The following PIK3R4 variants were observed in gnomAD, a reference collection of about 807,000 sequenced individuals.
PIK3R4 encodes phosphoinositide 3-kinase regulatory subunit 4.
Under a neutral mutation model 136.5 loss-of-function variants are expected in PIK3R4, and 46 were observed. The observed-to-expected ratio is 0.34, with a 90% CI of 0.27 to 0.43. The LOEUF (loss-of-function observed/expected upper bound fraction) is 0.43, where lower values mean the gene tolerates loss of function less well. Ranked by LOEUF, PIK3R4 falls within the 20% of genes least tolerant of loss-of-function variation. The pLI is 1.00. For synonymous variants in PIK3R4, 557 were observed against 566.7 expected, an observed-to-expected ratio of 0.98 and a Z score of 0.24; for missense variants, 1,331 against 1,649.5, an observed-to-expected ratio of 0.81 and a Z score of 3.35.
intron 2 of PIK3R4, among the ~76,000 whole-genome samples, chr3:130,743,034 T>C (rs935438076): frequency 1.3e-5 from 2 of 152,168 alleles, no homozygotes; most frequent in Non-Finnish European, 2.9e-5. Context: ...TGTACAACCT[T>C]TCCCTGGCTA....
chr3:130,744,853 G>C lies in PIK3R4; in HGVS notation c.366C>G (p.Asn122Lys). The change falls in exon 2 of 20, where the codon AAC (asparagine) becomes AAG (lysine). Residue 122 changes from asparagine to lysine, a missense_variant. Physicochemically the swap from Asn to Lys is moderately conservative, Grantham distance 94 (BLOSUM62 0). Around this residue, in one of 2 missense-constraint regions of PIK3R4, gnomAD observed 151 missense variants for 242.5 expected, o/e 0.62. Transcript: ENST00000356763. ...GGAAAGCAATCCAGCGCTTCTCAATGTTATTCAAGAATGGACGGGTACTGA... is the reference window on the plus strand; with the variant it reads ...GGAAAGCAATCCAGCGCTTCTCAATCTTATTCAAGAATGGACGGGTACTGA... The part of the protein sequence containing the change: ...DRISTRPFLN[N>K]IEKRWIAFQI... 6.2e-7 allele frequency: 1 copy of C among 1,614,198 alleles called. No homozygotes were observed. The highest frequency in any genetic ancestry group is 8.5e-7 in the Non-Finnish European group (1 of 1,180,044).
At chr3:130,690,461 A>T in intron 14 of PIK3R4, 29 bp downstream of exon 14, 1 of 1,567,078 alleles carries the variant, frequency 6.4e-7, no homozygotes. Flanking sequence ...ACTAAATACA[A>T]TGTTTAAGAA....
At chr3:130,689,371 A>T (rs901023164) in intron 14 of PIK3R4, among the ~76,000 whole-genome samples, 2 of 152,194 alleles carry the variant, frequency 1.3e-5, no homozygotes, top group African/African-American at 4.8e-5. Context: ...ATTTACATGA[A>T]ACTCAATAGA....
At position 130,679,230 on chromosome 3, in the gene PIK3R4, AAATG is replaced by A. The variant is rs1273858241; in HGVS notation, c.*81_*84del. 7.3e-6 allele frequency: 6 copies of A among 820,838 alleles called. No individual in the cohort carries two copies. The highest frequency in any genetic ancestry group is 3.6e-5 in the Admixed American group (1 of 27,600). The allele number at this position is 820,838 out of a possible 1,614,324, so 50.8% of individuals were successfully genotyped here. On this transcript the variant is annotated 3_prime_UTR_variant, in exon 20 of 20. Coordinates refer to ENST00000356763, the MANE Select transcript of PIK3R4 (RefSeq NM_014602.3). ...GGAGACATAATTTTGAAAATTAAGC[AAATG>A]AATCTGTTCTCTAGAAATGCCTTTT...
In PIK3R4 at chr3:130,728,693, A is replaced by C. The variant is rs756439090; in HGVS notation, c.1586-9T>G. ...ATGTAAGGCTTGGAGCTCTAAAAAA[A>C]AAAAAAAAAGAAAGAAAGAAAGAAA... is the stretch of plus-strand genomic sequence containing the variant. On this transcript the variant is annotated splice_polypyrimidine_tract_variant and intron_variant, in intron 5 of 19. Transcript: ENST00000356763. 1 of 1,504,118 alleles carries C rather than the reference A, an allele frequency of 6.6e-7. No individual in the cohort carries two copies. Among genetic ancestry groups the C allele is most frequent in the South Asian group, 1.3e-5 (1 of 79,104 alleles). The allele number at this position is 1,504,118 out of a possible 1,614,324, so 93.2% of individuals were successfully genotyped here. A position where few individuals can be genotyped will look rare whatever the true frequency, so the allele number is the denominator to read the frequency against.
chr3:130,693,111 T>C (rs2066527552), intron 13 of PIK3R4, among the ~76,000 whole-genome samples: 1 of 152,222 alleles, frequency 6.6e-6, no homozygotes, highest in African/African-American at 2.4e-5. Context: ...ATCTGGCTAC[T>C]TTCACTTAGC....
chr3:130,729,330 A>G (rs1442839883), intron 5 of PIK3R4, among the ~76,000 whole-genome samples: 1 of 152,214 alleles, frequency 6.6e-6, no homozygotes, highest in African/African-American at 2.4e-5. Flanking sequence ...GCAGGCTCCT[A>G]ATTGCCTGAT....
intron 5 of PIK3R4, among the ~76,000 whole-genome samples, 179 bp downstream of exon 5, chr3:130,730,129 G>A (rs2066753847): frequency 6.6e-6 from 1 of 152,074 alleles, no homozygotes; most frequent in Non-Finnish European, 1.5e-5. Flanking sequence ...GATTATTTTT[G>A]AGCAAGATAA....
chr3:130,726,699 A>C (rs1027862013), intron 6 of PIK3R4, among the ~76,000 whole-genome samples: 31 of 152,154 alleles, frequency 2.0e-4, no homozygotes, highest in African/African-American at 7.5e-4. Flanking sequence ...AATTTTTCTA[A>C]GTTTTATTTC....
chr3:130,732,347 G>A (rs1249339749), intron 4 of PIK3R4, among the ~76,000 whole-genome samples: 2 of 152,094 alleles, frequency 1.3e-5, no homozygotes, highest in African/African-American at 4.8e-5. Context: ...AACATGACCC[G>A]TTTAACACAA....
intron 13 of PIK3R4, among the ~76,000 whole-genome samples, chr3:130,694,675 A>G (rs1238794978): frequency 6.6e-6 from 1 of 152,112 alleles, no homozygotes; most frequent in African/African-American, 2.4e-5. Flanking sequence ...TTTTAAAACA[A>G]TTATTGTTTA....
rs1259591709 is a variant in PIK3R4, at chr3:130,717,456, A to G, written c.2128-857T>C. Among the ~76,000 whole-genome samples, 3 of 152,308 alleles carry G rather than the reference A, an allele frequency of 2.0e-5. No individual in the cohort carries two copies. The East Asian group carries it at 5.8e-4, about 29-fold the overall frequency. ...CTCTAGATTTAATTTCCAAGGAAGC[A>G]TAAACTTTTCTAAAAAGGCATTTTT... On this transcript the variant is annotated intron_variant, in intron 8 of 19. Transcript: ENST00000356763.
intron 2 of PIK3R4, among the ~76,000 whole-genome samples, chr3:130,742,445 G>A (rs972836313): frequency 6.6e-6 from 1 of 152,208 alleles, no homozygotes; most frequent in South Asian, 2.1e-4. Context: ...CAATTAGTGA[G>A]TTTAAAATGT....
chr3:130,745,879 CG>C (rs1046017247), intron 1 of PIK3R4, among the ~76,000 whole-genome samples: 2 of 152,018 alleles, frequency 1.3e-5, no homozygotes, highest in African/African-American at 4.8e-5. Context: ...AAAAATTAGC[CG>C]GGCGTGGTAG....
rs1255707001 is a variant in PIK3R4, at chr3:130,716,704, G to C, written c.2128-105C>G. On this transcript the variant is annotated intron_variant, in intron 8 of 19. Coordinates refer to ENST00000356763, the MANE Select transcript of PIK3R4 (RefSeq NM_014602.3). ...AAAAGTTAACATATTCATTTTCTAAGAAAATAAGATATCAACATCTGTAAG... is the reference window on the plus strand; with the variant it reads ...AAAAGTTAACATATTCATTTTCTAACAAAATAAGATATCAACATCTGTAAG... 5.7e-6 allele frequency: 4 copies of C among 699,266 alleles called. No homozygotes were observed. The East Asian group carries it at 1.1e-4, about 19-fold the overall frequency. 43.3% of individuals were successfully genotyped at this position (699,266 alleles called of 1,614,324 possible). A position where few individuals can be genotyped will look rare whatever the true frequency, so the allele number is the denominator to read the frequency against.
intron 1 of PIK3R4, among the ~76,000 whole-genome samples, chr3:130,745,782 G>C (rs534063009): frequency 6.6e-6 from 1 of 152,158 alleles, no homozygotes; most frequent in African/African-American, 2.4e-5. Flanking sequence ...CCAGCACTTC[G>C]GGAGGCCGAG....
In PIK3R4 at chr3:130,681,597, G is replaced by A; in HGVS notation, c.3608-6C>T. ...TTCGTTGTTGCCCTGAACAGCTAAA[G>A]GAAACAAAGGCCAGAATCTTGACTC... On this transcript the variant is annotated splice_region_variant and splice_polypyrimidine_tract_variant and intron_variant, in intron 16 of 19. Coordinates refer to ENST00000356763, the MANE Select transcript of PIK3R4 (RefSeq NM_014602.3). 1.3e-6 allele frequency: 2 copies of A among 1,546,310 alleles called. No individual in the cohort carries two copies. The highest frequency in any genetic ancestry group is 8.9e-7 in the Non-Finnish European group (1 of 1,120,882).
At position 130,746,703 on chromosome 3, in the gene PIK3R4, C is replaced by T. The variant is rs1036548748; in HGVS notation, c.-432G>A. 1.3e-5 allele frequency: 2 copies of T among 152,394 alleles called. No homozygotes were observed. The highest frequency in any genetic ancestry group is 4.8e-5 in the African/African-American group (2 of 41,456). The allele number at this position is 152,394 out of a possible 1,614,324, so 9.4% of individuals were successfully genotyped here. Reference sequence around the variant, plus strand: ...GTCCGAGCCCTCCTCGAGGGCCTCACCACCGGGCGGGGGGAGATGGAACCC... The same window carrying T: ...GTCCGAGCCCTCCTCGAGGGCCTCATCACCGGGCGGGGGGAGATGGAACCC... On this transcript the variant is annotated 5_prime_UTR_variant, in exon 1 of 20. It adds an upstream start codon to the 5' untranslated region. Coordinates refer to ENST00000356763, the MANE Select transcript of PIK3R4 (RefSeq NM_014602.3).
intron 6 of PIK3R4, among the ~76,000 whole-genome samples, chr3:130,726,533 C>T (rs1236146482): frequency 6.6e-6 from 1 of 152,000 alleles, no homozygotes; most frequent in Non-Finnish European, 1.5e-5. Flanking sequence ...CTCCACAATG[C>T]CTGCTCTTAA....
Sources: gnomAD v4.1 joint callset for allele counts (sites outside exome capture counted in the v4.1 genomes callset) on GRCh38, gnomAD v4.1.1 for gene constraint, gnomAD v4.1.1 regional missense constraint, MANE v1.5 for transcripts, NCBI Gene and HGNC (gene_info 2026-07-23, HGNC 2026-07-21) for gene names.